ARSB: variants seen among roughly 807,000 people sequenced by gnomAD.
The protein encoded by ARSB is arylsulfatase B.
Under a neutral mutation model 50.9 loss-of-function variants are expected in ARSB, and 41 were observed. That is an observed-to-expected ratio of 0.81 (90% confidence interval 0.63 to 1.04). ARSB has a LOEUF of 1.04. Among genes scored for constraint, ARSB ranks in the 50% least tolerant of loss-of-function variants. ARSB has a pLI of 0.00. For synonymous variants in ARSB, 269 were observed against 284.8 expected (o/e 0.94, Z 0.56); for missense variants, 672 against 693.3 (o/e 0.97, Z 0.35).
rs1743971648 is a variant in ARSB, at chr5:78,815,994, AC to A, written c.1213+23361del. The A allele has an allele frequency of 3.1e-5, 49 of 1,606,088 alleles. 4 individuals carry two copies. The highest frequency in any genetic ancestry group is 4.1e-5 in the Non-Finnish European group (48 of 1,177,352). The stretch of plus-strand genomic sequence containing the variant: ...CTCTTCTGCCACTTCTGCAGGAGCC[AC>A]CCGAGGCCTTGAGGGGCCCTTTCAG... On this transcript the variant is annotated intron_variant, in intron 6 of 7. Transcript: ENST00000264914.
intron 6 of ARSB, among the ~76,000 whole-genome samples, chr5:78,824,782 T>C (rs985502491): frequency 1.3e-5 from 2 of 152,144 alleles, no homozygotes; most frequent in African/African-American, 4.8e-5. Flanking sequence ...TAACTATCTG[T>C]GATTTTCTGA....
chr5:78,787,194 G>A (rs1407292715), intron 6 of ARSB, among the ~76,000 whole-genome samples: 2 of 150,614 alleles, frequency 1.3e-5, no homozygotes, highest in African/African-American at 2.4e-5. Flanking sequence ...GGCCTCAAGC[G>A]ATCCAGCCTC....
rs201318402 is a variant in ARSB, at chr5:78,937,362, GAT to G, written c.898+17931_898+17932del. 8.8e-3 allele frequency among the ~76,000 whole-genome samples: 486 copies of G among 55,250 alleles called. 12 individuals carry two copies. The highest frequency in any genetic ancestry group is 0.018 in the African/African-American group (348 of 19,552). The allele number at this position is 55,250 out of a possible 152,430, so 36.2% of individuals were successfully genotyped here. A position where few individuals can be genotyped will look rare whatever the true frequency, so the allele number is the denominator to read the frequency against. On this transcript the variant is annotated intron_variant, in intron 4 of 7. Transcript: ENST00000264914. ...AGATATATATATCATATATATGTAA[GAT>G]ATATATATGTAAGATATATATATCA...
intron 6 of ARSB, among the ~76,000 whole-genome samples, chr5:78,797,051 G>C (rs1743211070): frequency 6.6e-6 from 1 of 151,824 alleles, no homozygotes; most frequent in Non-Finnish European, 1.5e-5. Flanking sequence ...CTAATTTTTT[G>C]TATTTTTTAG....
chr5:78,867,017 G>C (rs1746794184), intron 5 of ARSB, among the ~76,000 whole-genome samples: 1 of 152,180 alleles, frequency 6.6e-6, no homozygotes, highest in African/African-American at 2.4e-5. Flanking sequence ...AAGCGCAAGG[G>C]GTCAGGGAGT....
intron 5 of ARSB, chr5:78,884,598 T>G (rs1747919374): frequency 6.6e-6 from 1 of 152,164 alleles, no homozygotes; most frequent in Non-Finnish European, 1.5e-5. Context: ...CAAACAGAGC[T>G]GTAACACCAA....
chr5:78,833,989 G>A (rs1000787245), intron 6 of ARSB, among the ~76,000 whole-genome samples: 4 of 152,182 alleles, frequency 2.6e-5, no homozygotes, highest in Non-Finnish European at 4.4e-5. Context: ...AGGAGTATAA[G>A]TGGCCATCTG....
At chr5:78,818,692 A>G (rs1744098209) in intron 6 of ARSB, among the ~76,000 whole-genome samples, 1 of 131,476 alleles carries the variant, frequency 7.6e-6, no homozygotes, top group Non-Finnish European at 1.5e-5. Flanking sequence ...ATCTCGGCTC[A>G]CTGCAAGCTC....
chr5:78,939,517 G>A (rs1287927925), intron 4 of ARSB, among the ~76,000 whole-genome samples: 1 of 152,010 alleles, frequency 6.6e-6, no homozygotes, highest in Non-Finnish European at 1.5e-5. Context: ...CCACCTATGA[G>A]TGAGAACATG....
intron 4 of ARSB, among the ~76,000 whole-genome samples, chr5:78,910,343 T>C (rs886474552): frequency 2.0e-5 from 3 of 152,258 alleles, no homozygotes; most frequent in African/African-American, 7.2e-5. Context: ...CCCACAGGTG[T>C]GGAGGGGCTG....
Position 78,885,600 on chromosome 5 carries a change from C to A in ARSB, c.1126G>T (p.Val376Leu), listed in dbSNP as rs1071598. 12 of 1,613,690 alleles carry A rather than the reference C, an allele frequency of 7.4e-6. No individual in the cohort carries two copies. Among genetic ancestry groups the A allele is most frequent in the South Asian group, 3.3e-5 (3 of 91,088 alleles). The change falls in exon 5 of 8, where the codon GTG becomes TTG. Residue 376 changes from valine to leucine, a missense_variant. Physicochemically the swap from Val to Leu is conservative, Grantham distance 32. Transcript: ENST00000264914. ...TGTAGGTACCTGATGGTTTTCCACACGTCGAAGCCATCCAGAGGCTTTGTG... is the reference window on the plus strand; with the variant it reads ...TGTAGGTACCTGATGGTTTTCCACAAGTCGAAGCCATCCAGAGGCTTTGTG... The part of the protein sequence containing the change: ...NGTKPLDGFD[V>L]WKTISEGSPS...
In ARSB at chr5:78,885,744, C is replaced by A. The variant is rs748454316; in HGVS notation, c.982G>T (p.Gly328Trp). ...AAGGGGCTTGCCACAAAGCCCACCC[C>A]TCGGACGCCTCCTTCCCACAGGCTC... ...KWSLWEGGVR[G>W]VGFVASPLLK... Residue 328 changes from glycine (G) to tryptophan (W), a missense_variant, in exon 5 of 8, where the codon GGG becomes TGG. By Grantham distance (184) the Gly-to-Trp change is radical (BLOSUM62 -2). Transcript: ENST00000264914. 6 of 1,614,170 alleles carry A rather than the reference C, an allele frequency of 3.7e-6. No homozygotes were observed. Among genetic ancestry groups the A allele is most frequent in the Non-Finnish European group, 5.1e-6 (6 of 1,180,034 alleles).
At chr5:78,850,643 C>A (rs1223410511) in intron 5 of ARSB, among the ~76,000 whole-genome samples, 1 of 152,110 alleles carries the variant, frequency 6.6e-6, no homozygotes, top group East Asian at 1.9e-4. Context: ...GGTACCAGTT[C>A]CTCCTTGTAC....
At chr5:78,908,731 C>CTT (rs34571367) in intron 4 of ARSB, among the ~76,000 whole-genome samples, 21,639 of 140,354 alleles carry the variant, frequency 0.15, 1,941 homozygotes, top group South Asian at 0.25. Flanking sequence ...CTGGCCAAGA[C>CTT]TTTTTTTTTT....
chr5:78,790,541 ATTG>A (rs917405984), intron 6 of ARSB, among the ~76,000 whole-genome samples: 2 of 152,234 alleles, frequency 1.3e-5, no homozygotes, highest in African/African-American at 4.8e-5. Flanking sequence ...TATCTGTTAT[ATTG>A]TTAAGACAAT....
chr5:78,907,909 G>A (rs1194882381), intron 4 of ARSB, among the ~76,000 whole-genome samples: 1 of 152,052 alleles, frequency 6.6e-6, no homozygotes, highest in Non-Finnish European at 1.5e-5. Context: ...GGCCAGTTTT[G>A]AGCCCATCAG....
intron 3 of ARSB, among the ~76,000 whole-genome samples, chr5:78,962,616 C>T (rs1209364559): frequency 6.7e-6 from 1 of 149,976 alleles, no homozygotes; most frequent in African/African-American, 2.5e-5. Context: ...CAAGCTCCGC[C>T]TCCCGGGTTC....
intron 6 of ARSB, among the ~76,000 whole-genome samples, chr5:78,791,882 G>C (rs949299988): frequency 6.6e-6 from 1 of 152,100 alleles, no homozygotes; most frequent in Non-Finnish European, 1.5e-5. Context: ...CTGGGAAGTG[G>C]GGCTGTGCAC....
chr5:78,780,365 C>A lies in ARSB; in HGVS notation c.*32G>T. 6.2e-7 allele frequency: 1 copy of A among 1,612,954 alleles called. No individual in the cohort carries two copies. On this transcript the variant is annotated 3_prime_UTR_variant, in exon 8 of 8. Transcript: ENST00000264914. ...GAGAAAAGGCCTGAGGTCCAACTTCCAATTGAAAGGTTTTCTAGCCTCCCT... is the reference window on the plus strand; with the variant it reads ...GAGAAAAGGCCTGAGGTCCAACTTCAAATTGAAAGGTTTTCTAGCCTCCCT...
Sources: allele counts gnomAD v4.1 joint callset (sites outside exome capture counted in the v4.1 genomes callset), GRCh38; gene constraint gnomAD v4.1.1; transcripts MANE v1.5; gene names NCBI Gene and HGNC (gene_info 2026-07-23, HGNC 2026-07-21).